Variants in CNTN6 observed in about 807,000 individuals in gnomAD.
CNTN6 encodes the protein contactin 6.
A neutral mutation model predicts 122.8 loss-of-function variants in CNTN6; 137 were observed. The observed-to-expected ratio is 1.12, with a 90% CI of 0.97 to 1.29. The LOEUF (loss-of-function observed/expected upper bound fraction) is 1.29. Among genes scored for constraint, CNTN6 ranks in the 50% most tolerant of loss-of-function variants. CNTN6 has a pLI of 0.00. For synonymous variants in CNTN6, 570 were observed against 426.0 expected (o/e 1.34, Z -4.16); for missense variants, 1,634 against 1,223.4 (o/e 1.34, Z -5.01).
intron 4 of CNTN6, among the ~76,000 whole-genome samples, chr3:1,253,345 TAGTG>T (rs1273802277): frequency 6.6e-6 from 1 of 152,176 alleles, no homozygotes; most frequent in African/African-American, 2.4e-5. Context: ...TCTCAATAGA[TAGTG>T]AAACAGTCTT....
At chr3:1,316,322 TG>T (rs1177981619) in intron 7 of CNTN6, among the ~76,000 whole-genome samples, 1 of 151,880 alleles carries the variant, frequency 6.6e-6, no homozygotes, top group Non-Finnish European at 1.5e-5. Flanking sequence ...CTTCTGCTTC[TG>T]GGGAGGCCTC....
At chr3:1,202,324 A>G (rs1203049422) in intron 2 of CNTN6, among the ~76,000 whole-genome samples, 1 of 152,044 alleles carries the variant, frequency 6.6e-6, no homozygotes, top group Non-Finnish European at 1.5e-5. Context: ...GCGGATCACG[A>G]GCTCAGGATA....
chr3:1,388,264 G>A (rs978408748), intron 20 of CNTN6, among the ~76,000 whole-genome samples: 54 of 149,084 alleles, frequency 3.6e-4, no homozygotes, highest in East Asian at 1.2e-3. Flanking sequence ...CCTGACCCCC[G>A]AGCAGCCTAA....
At chr3:1,159,327 G>A (rs1215828960) in intron 2 of CNTN6, among the ~76,000 whole-genome samples, 3 of 151,942 alleles carry the variant, frequency 2.0e-5, no homozygotes, top group South Asian at 4.1e-4. Flanking sequence ...CATACACAGC[G>A]GGGGTGCACT....
chr3:1,103,068 C>G (rs552077275), intron 1 of CNTN6, among the ~76,000 whole-genome samples: 1 of 151,608 alleles, frequency 6.6e-6, no homozygotes, highest in Non-Finnish European at 1.5e-5. Flanking sequence ...ATGGCGCCAC[C>G]GCACTCCAGC....
At chr3:1,342,002 C>A (rs1703958443) in intron 11 of CNTN6, among the ~76,000 whole-genome samples, 1 of 152,066 alleles carries the variant, frequency 6.6e-6, no homozygotes, top group Non-Finnish European at 1.5e-5. Flanking sequence ...CCTGAATCAT[C>A]CTTGAAAAAT....
intron 7 of CNTN6, among the ~76,000 whole-genome samples, chr3:1,305,738 C>T (rs1698254623): frequency 6.6e-6 from 1 of 152,090 alleles, no homozygotes; most frequent in Non-Finnish European, 1.5e-5. Flanking sequence ...TTAGTAGCAG[C>T]ACTGAACGTT....
intron 4 of CNTN6, among the ~76,000 whole-genome samples, chr3:1,260,373 T>C (rs1323532788): frequency 1.3e-5 from 2 of 152,014 alleles, no homozygotes; most frequent in African/African-American, 4.8e-5. Flanking sequence ...TGTCTAGAGG[T>C]GAGTCTTAAT....
intron 20 of CNTN6, among the ~76,000 whole-genome samples, chr3:1,387,070 G>A (rs1304908008): frequency 1.3e-5 from 2 of 152,118 alleles, no homozygotes; most frequent in Admixed American, 6.6e-5. Context: ...ACTTGAAATA[G>A]GACAAGGCAT....
intron 11 of CNTN6, among the ~76,000 whole-genome samples, chr3:1,349,302 T>A (rs1336380253): frequency 6.6e-6 from 1 of 151,914 alleles, no homozygotes; most frequent in East Asian, 1.9e-4. Context: ...ATATGCTTTG[T>A]ACTAATCATT....
intron 2 of CNTN6, among the ~76,000 whole-genome samples, chr3:1,161,252 A>G (rs1156526019): frequency 9.8e-6 from 1 of 101,744 alleles, no homozygotes; most frequent in Non-Finnish European, 1.9e-5. Flanking sequence ...ATATGATTAT[A>G]TATATATGAT....
intron 1 of CNTN6, among the ~76,000 whole-genome samples, chr3:1,102,734 TAAATA>T (rs1214410278): frequency 3.4e-5 from 5 of 147,760 alleles, no homozygotes; most frequent in Non-Finnish European, 7.5e-5. Context: ...TCTCAAAAAA[TAAATA>T]AATACATAAA....
chr3:1,098,371 T>G (rs2124933121), intron 1 of CNTN6, among the ~76,000 whole-genome samples: 1 of 152,298 alleles, frequency 6.6e-6, no homozygotes, highest in African/African-American at 2.4e-5. Flanking sequence ...TCACAAATAC[T>G]TGTACATTTC....
intron 11 of CNTN6, among the ~76,000 whole-genome samples, chr3:1,350,319 T>A (rs1442392329): frequency 1.3e-5 from 2 of 151,816 alleles, no homozygotes; most frequent in Non-Finnish European, 2.9e-5. Flanking sequence ...TTGGACCATA[T>A]AATTAACATG....
chr3:1,177,957 G>A (rs1324570631), intron 2 of CNTN6, among the ~76,000 whole-genome samples: 1 of 148,836 alleles, frequency 6.7e-6, no homozygotes, highest in Non-Finnish European at 1.5e-5. Context: ...CTGGAGTACA[G>A]TGGTGCAATC....
chr3:1,337,941 AC>A (rs561505774), intron 11 of CNTN6, among the ~76,000 whole-genome samples: 9 of 151,932 alleles, frequency 5.9e-5, no homozygotes, highest in Non-Finnish European at 1.2e-4. Context: ...GATCTGGGGC[AC>A]TCACCTTTCA....
chr3:1,254,640 A>G (rs1470615293), intron 4 of CNTN6, among the ~76,000 whole-genome samples: 2 of 152,200 alleles, frequency 1.3e-5, no homozygotes, highest in African/African-American at 4.8e-5. Flanking sequence ...GAGAGGGATC[A>G]CATAAATATG....
intron 1 of CNTN6, among the ~76,000 whole-genome samples, chr3:1,127,230 T>A (rs1274198747): frequency 1.3e-5 from 2 of 151,670 alleles, no homozygotes; most frequent in African/African-American, 4.8e-5. Context: ...TAGCACAGTT[T>A]AATAATAATT....
In CNTN6 at chr3:1,372,880, C is replaced by T; in HGVS notation, c.1711C>T (p.His571Tyr). The T allele has an allele frequency of 1.2e-6, 2 of 1,609,786 alleles. No individual in the cohort carries two copies. Among genetic ancestry groups the T allele is most frequent in the Non-Finnish European group, 1.7e-6 (2 of 1,177,420 alleles). Residue 571 changes from histidine (H) to tyrosine (Y), a missense_variant, in exon 14 of 23, where the codon CAT becomes TAT. Coordinates refer to ENST00000446702, the MANE Select transcript of CNTN6 (RefSeq NM_001289080.2). ...GATGATAAGGAATATTCAGTTACAT[C>T]ATTCAGGAAAATATCTCTGCACAGT... ...DLMIRNIQLH[H>Y]SGKYLCTVQT...
Sources: gnomAD v4.1 joint callset for allele counts (sites outside exome capture counted in the v4.1 genomes callset) on GRCh38, gnomAD v4.1.1 for gene constraint, MANE v1.5 for transcripts, NCBI Gene and HGNC (gene_info 2026-07-23, HGNC 2026-07-21) for gene names.